The following MAST4 variants were observed in gnomAD, a reference collection of about 807,000 sequenced individuals.
MAST4 encodes microtubule associated serine/threonine kinase family member 4.
In MAST4, 89 loss-of-function variants were observed where a neutral mutation model predicts 162.7. The observed-to-expected ratio is 0.55, with a 90% CI of 0.46 to 0.65. MAST4 has a LOEUF of 0.65. MAST4 is among the 30% of genes least tolerant of loss of function. MAST4 has a pLI of 0.00. For synonymous variants in MAST4, 1,479 were observed against 1,361.1 expected (o/e 1.09, Z -1.91); for missense variants, 3,153 against 3,374.0 (o/e 0.93, Z 1.62).
At position 66,608,393 on chromosome 5, in the gene MAST4, G is replaced by C. The variant is rs960464134; in HGVS notation, c.363+11375G>C. Among the ~76,000 whole-genome samples, 3 of 123,734 alleles carry C rather than the reference G, an allele frequency of 2.4e-5. No homozygotes were observed. In the Admixed American group the frequency reaches 2.7e-4, roughly 11 times the overall value. The allele number at this position is 123,734 out of a possible 152,430, so 81.2% of individuals were successfully genotyped here. On this transcript the variant is annotated intron_variant, in intron 1 of 28. Transcript: ENST00000403625. ...TTTTTTTTTTTTTTTTTTTGATGGCGAGAACATTAAGGTCTATATATACAT... is the reference window on the plus strand; with the variant it reads ...TTTTTTTTTTTTTTTTTTTGATGGCCAGAACATTAAGGTCTATATATACAT...
At chr5:66,990,689 A>C (rs1356866425) in intron 4 of MAST4, among the ~76,000 whole-genome samples, 6 of 152,202 alleles carry the variant, frequency 3.9e-5, no homozygotes, top group African/African-American at 9.7e-5. Flanking sequence ...TTAAAGAGTC[A>C]TATGAGCATT....
chr5:67,022,302 A>G (rs2150392889), intron 4 of MAST4, among the ~76,000 whole-genome samples: 1 of 152,184 alleles, frequency 6.6e-6, no homozygotes, highest in South Asian at 2.1e-4. Context: ...TTAATACATC[A>G]TGCCAAGTAG....
intron 1 of MAST4, among the ~76,000 whole-genome samples, chr5:66,710,331 C>G (rs1285696896): frequency 6.6e-6 from 1 of 152,172 alleles, no homozygotes; most frequent in Non-Finnish European, 1.5e-5. Flanking sequence ...TATACCATGT[C>G]AAGGTCAGAC....
intron 1 of MAST4, among the ~76,000 whole-genome samples, chr5:66,644,655 A>G (rs1322754846): frequency 1.3e-5 from 2 of 152,076 alleles, no homozygotes; most frequent in Admixed American, 1.3e-4. Context: ...GACACTATAC[A>G]GTCTCCCAAA....
chr5:66,641,927 A>C (rs1745513182), intron 1 of MAST4, among the ~76,000 whole-genome samples: 1 of 152,224 alleles, frequency 6.6e-6, no homozygotes, highest in African/African-American at 2.4e-5. Context: ...TCCAGTCGGA[A>C]TTGCACCTCC....
intron 27 of MAST4, among the ~76,000 whole-genome samples, chr5:67,161,810 T>C (rs967395319): frequency 6.6e-6 from 1 of 152,222 alleles, no homozygotes; most frequent in Non-Finnish European, 1.5e-5. Context: ...TGGCTGTGCT[T>C]TAAATCATTT....
chr5:66,624,273 C>T (rs1354969053), intron 1 of MAST4, among the ~76,000 whole-genome samples: 1 of 149,744 alleles, frequency 6.7e-6, no homozygotes, highest in Non-Finnish European at 1.5e-5. Flanking sequence ...TTGCCTCAGC[C>T]TCCCCAGCAG....
chr5:66,798,245 A>G (rs1755748890), intron 3 of MAST4, among the ~76,000 whole-genome samples: 1 of 152,294 alleles, frequency 6.6e-6, no homozygotes, highest in Non-Finnish European at 1.5e-5. Context: ...GTAGTGTGGT[A>G]ATGTCCAATT....
At chr5:66,811,000 A>G (rs573620449) in intron 3 of MAST4, among the ~76,000 whole-genome samples, 2 of 152,340 alleles carry the variant, frequency 1.3e-5, no homozygotes, top group South Asian at 4.1e-4. Flanking sequence ...GACTGTTTGC[A>G]GGAAAAACAT....
intron 1 of MAST4, among the ~76,000 whole-genome samples, chr5:66,758,563 T>C (rs1489767687): frequency 6.6e-6 from 1 of 152,144 alleles, no homozygotes; most frequent in Non-Finnish European, 1.5e-5. Flanking sequence ...ATTACTGATG[T>C]GAGCCACTGC....
At chr5:66,696,003 C>T (rs1415191249) in intron 1 of MAST4, among the ~76,000 whole-genome samples, 1 of 152,074 alleles carries the variant, frequency 6.6e-6, no homozygotes, top group South Asian at 2.1e-4. Flanking sequence ...ACATGTACAC[C>T]ATGGAATACT....
intron 4 of MAST4, among the ~76,000 whole-genome samples, chr5:67,034,486 T>C (rs1057044133): frequency 2.0e-5 from 3 of 152,148 alleles, no homozygotes; most frequent in African/African-American, 7.2e-5. Flanking sequence ...GCTCCATCAG[T>C]TCTCTAGCCA....
intron 23 of MAST4, among the ~76,000 whole-genome samples, chr5:67,146,965 C>A (rs980560615): frequency 2.0e-5 from 3 of 151,890 alleles, no homozygotes; most frequent in Admixed American, 6.6e-5. Flanking sequence ...AGTATATTCA[C>A]CTCCATTTAA....
intron 14 of MAST4, among the ~76,000 whole-genome samples, chr5:67,121,989 T>C (rs1767650369): frequency 6.6e-6 from 1 of 152,078 alleles, no homozygotes; most frequent in African/African-American, 2.4e-5. Context: ...TTGAACTGTA[T>C]CCTAAATAAT....
At chr5:66,848,672 G>A (rs1580641483) in intron 3 of MAST4, among the ~76,000 whole-genome samples, 1 of 152,314 alleles carries the variant, frequency 6.6e-6, no homozygotes, top group East Asian at 1.9e-4. Context: ...GGATTAGGAT[G>A]TATGGAACAG....
intron 1 of MAST4, among the ~76,000 whole-genome samples, chr5:66,733,078 T>C (rs1751951513): frequency 6.6e-6 from 1 of 152,180 alleles, no homozygotes; most frequent in Non-Finnish European, 1.5e-5. Flanking sequence ...CCAAGTCTCA[T>C]TCCAAGGCCA....
At chr5:66,835,707 C>T (rs940418854) in intron 3 of MAST4, among the ~76,000 whole-genome samples, 2 of 152,152 alleles carry the variant, frequency 1.3e-5, no homozygotes, top group Non-Finnish European at 2.9e-5. Context: ...TTTGAATTTA[C>T]TTGAAACTTA....
chr5:67,020,276 A>T (rs73115751), intron 4 of MAST4, among the ~76,000 whole-genome samples: 5,675 of 152,298 alleles, frequency 0.037, 329 homozygotes, highest in African/African-American at 0.13. Flanking sequence ...TGGTCATGGA[A>T]TGAATTAATT....
chr5:67,042,541 T>A (rs1234819151), intron 4 of MAST4, among the ~76,000 whole-genome samples: 1 of 152,034 alleles, frequency 6.6e-6, no homozygotes, highest in African/African-American at 2.4e-5. Context: ...TTTTCCGCGC[T>A]TTTCACCAAG....
Sources: gnomAD v4.1 joint callset for allele counts (sites outside exome capture counted in the v4.1 genomes callset) on GRCh38, gnomAD v4.1.1 for gene constraint, MANE v1.5 for transcripts, NCBI Gene and HGNC (gene_info 2026-07-23, HGNC 2026-07-21) for gene names.